Variants in ATP9B observed in about 807,000 individuals in gnomAD.
The protein encoded by ATP9B is ATPase phospholipid transporting 9B.
ATP9B carries 110 observed loss-of-function variants against 146.1 expected under a neutral mutation model. That is an observed-to-expected ratio of 0.75 (90% CI 0.65 to 0.88). The LOEUF is 0.88. Among genes scored for constraint, ATP9B ranks in the 40% least tolerant of loss-of-function variants. The probability of loss-of-function intolerance (pLI) is 0.00; values close to 1 mark genes in which losing one functional copy is unlikely to be tolerated. For synonymous variants in ATP9B, 604 were observed against 569.7 expected, an observed-to-expected ratio of 1.06 and a Z score of -0.86; for missense variants, 1,499 against 1,496.4, an observed-to-expected ratio of 1.00 and a Z score of -0.03.
intron 13 of ATP9B, among the ~76,000 whole-genome samples, chr18:79,288,965 A>C (rs1478546839): frequency 6.6e-6 from 1 of 152,092 alleles, no homozygotes; most frequent in African/African-American, 2.4e-5. Context: ...TGGCTTGTAG[A>C]GTTTCTGCCG....
chr18:79,208,030 G>T (rs190473218), intron 10 of ATP9B, among the ~76,000 whole-genome samples: 360 of 152,298 alleles, frequency 2.4e-3, no homozygotes, highest in Non-Finnish European at 4.4e-3. Context: ...CGGATCACAA[G>T]GTCAGGAGAT....
At chr18:79,218,327 G>A (rs111684524) in intron 11 of ATP9B, among the ~76,000 whole-genome samples, 1 of 147,942 alleles carries the variant, frequency 6.8e-6, no homozygotes, top group South Asian at 2.1e-4. Context: ...TTTTCCTTGT[G>A]TTCCAGGTCT....
chr18:79,241,233 T>C (rs936160663), intron 11 of ATP9B, among the ~76,000 whole-genome samples: 2 of 152,214 alleles, frequency 1.3e-5, no homozygotes, highest in Non-Finnish European at 2.9e-5. Flanking sequence ...TGCGTTTTTT[T>C]CTCTGTGTAG....
intron 25 of ATP9B, among the ~76,000 whole-genome samples, chr18:79,352,117 T>C (rs1407405432): frequency 6.6e-6 from 1 of 152,098 alleles, no homozygotes; most frequent in African/African-American, 2.4e-5. Flanking sequence ...TGGCCAGAGG[T>C]GTCTGTCTCC....
chr18:79,122,876 C>T (rs948429578), intron 4 of ATP9B, among the ~76,000 whole-genome samples: 1 of 152,134 alleles, frequency 6.6e-6, no homozygotes, highest in Non-Finnish European at 1.5e-5. Context: ...TTTGAAGAAA[C>T]TGGCCATCAT....
chr18:79,124,752 T>TG (rs1205683703), intron 4 of ATP9B, among the ~76,000 whole-genome samples: 4 of 152,036 alleles, frequency 2.6e-5, no homozygotes, highest in East Asian at 1.9e-4. Flanking sequence ...TTGGGAGAGC[T>TG]GGGGAGAGCC....
At chr18:79,285,843 C>T (rs2145963711) in intron 13 of ATP9B, among the ~76,000 whole-genome samples, 1 of 152,168 alleles carries the variant, frequency 6.6e-6, no homozygotes, top group African/African-American at 2.4e-5. Context: ...TGTGGCTAGC[C>T]AGTTTTCCCA....
chr18:79,345,300 A>G, intron 21 of ATP9B, 128 bp from the exon 22 acceptor site: 2 of 1,131,576 alleles, frequency 1.8e-6, no homozygotes, highest in African/African-American at 1.6e-5. Flanking sequence ...GATTCACAGA[A>G]AACTGAAAAG....
intron 11 of ATP9B, among the ~76,000 whole-genome samples, chr18:79,218,649 G>A (rs1446841509): frequency 2.0e-5 from 3 of 151,754 alleles, no homozygotes; most frequent in Admixed American, 2.0e-4. Flanking sequence ...TTCGTATTCT[G>A]GGTCCAGCGC....
chr18:79,327,850 C>T lies in ATP9B; in HGVS notation c.1774-1291C>T, dbSNP rs78776812. ...TAGTGTGTTCTCCGTGGTTAGCGTG[C>T]TCTCCATGGTTAGCGTGCTCTCCAT... On this transcript the variant is annotated intron_variant, in intron 15 of 29. Coordinates refer to ENST00000426216, the MANE Select transcript of ATP9B (RefSeq NM_198531.5). Among the ~76,000 whole-genome samples the T allele has an allele frequency of 2.6e-3, 29 of 11,352 alleles. 5 individuals carry two copies. In the East Asian group the frequency reaches 0.088, roughly 35 times the overall value. The allele number at this position is 11,352 out of a possible 152,430, so 7.4% of individuals were successfully genotyped here.
At chr18:79,307,983 G>T (rs2096628448) in intron 15 of ATP9B, among the ~76,000 whole-genome samples, 1 of 152,074 alleles carries the variant, frequency 6.6e-6, no homozygotes, top group African/African-American at 2.4e-5. Flanking sequence ...ATTGGTGGGG[G>T]CAGGGCGTAC....
At chr18:79,293,708 G>A (rs1599702790) in intron 13 of ATP9B, among the ~76,000 whole-genome samples, 1 of 152,154 alleles carries the variant, frequency 6.6e-6, no homozygotes, top group Admixed American at 6.5e-5. Flanking sequence ...GACTAAGACA[G>A]TTCTCCATTT....
chr18:79,149,275 C>T (rs955138091), intron 6 of ATP9B, among the ~76,000 whole-genome samples: 2 of 152,048 alleles, frequency 1.3e-5, no homozygotes, highest in Non-Finnish European at 1.5e-5. Context: ...AGGCATATTG[C>T]GTAGTTACAT....
intron 13 of ATP9B, among the ~76,000 whole-genome samples, chr18:79,292,746 GTTTGTTTTGT>G (rs546454521): frequency 6.6e-5 from 10 of 151,900 alleles, no homozygotes; most frequent in African/African-American, 1.7e-4. Flanking sequence ...GAGGTTAGGG[GTTTGTTTTGT>G]TTTGTTTTGT....
intron 9 of ATP9B, among the ~76,000 whole-genome samples, chr18:79,193,494 TTATCTCC>T (rs2095389002): frequency 6.6e-6 from 1 of 152,222 alleles, no homozygotes; most frequent in African/African-American, 2.4e-5. Flanking sequence ...AATAAGATCT[TTATCTCC>T]TAAAATATTG....
intron 11 of ATP9B, among the ~76,000 whole-genome samples, chr18:79,221,521 G>A (rs1301235884): frequency 1.3e-5 from 2 of 152,224 alleles, no homozygotes; most frequent in Non-Finnish European, 2.9e-5. Context: ...AGGAGTTCGA[G>A]GCCAGCCTGG....
intron 11 of ATP9B, among the ~76,000 whole-genome samples, chr18:79,249,679 GTTTTTATTT>G (rs560647472): frequency 9.7e-4 from 147 of 152,146 alleles, no homozygotes; most frequent in African/African-American, 3.5e-3. Flanking sequence ...AAGTTAACTG[GTTTTTATTT>G]TAAATAGTTT....
intron 1 of ATP9B, among the ~76,000 whole-genome samples, chr18:79,094,927 C>T (rs932366868): frequency 1.3e-5 from 2 of 152,170 alleles, no homozygotes; most frequent in Admixed American, 6.5e-5. Context: ...ACTGCATACG[C>T]GTACCTTCAT....
intron 11 of ATP9B, 47 bp downstream of exon 11, chr18:79,214,085 T>C: frequency 7.0e-7 from 1 of 1,419,598 alleles, no homozygotes; most frequent in Non-Finnish European, 9.7e-7. Flanking sequence ...TATTTTTCCT[T>C]TCAGTAAGAA....
Sources: gnomAD v4.1 joint callset for allele counts (sites outside exome capture counted in the v4.1 genomes callset) on GRCh38, gnomAD v4.1.1 for gene constraint, MANE v1.5 for transcripts, NCBI Gene and HGNC (gene_info 2026-07-23, HGNC 2026-07-21) for gene names.